LOC400499: variants seen among roughly 807,000 people sequenced by gnomAD.
chr16:11,384,122 G>T, the LOC400499 span: 1 of 1,220,474 alleles, frequency 8.2e-7, no homozygotes, highest in Non-Finnish European at 1.0e-6. Context: ...GTCCTCTGCA[G>T]AGCCATCAGG....
chr16:11,386,943 G>T, the LOC400499 span, among the ~76,000 whole-genome samples: 2 of 152,214 alleles, frequency 1.3e-5, no homozygotes, highest in Non-Finnish European at 2.9e-5. Context: ...CTTATATTCT[G>T]GACAAAAGCA....
chr16:11,385,614 T>C, the LOC400499 span, among the ~76,000 whole-genome samples: 1 of 152,174 alleles, frequency 6.6e-6, no homozygotes, highest in South Asian at 2.1e-4. Context: ...GAGCTGAAGG[T>C]CTACTGGCAA....
the LOC400499 span, among the ~76,000 whole-genome samples, chr16:11,523,778 G>C: frequency 6.6e-6 from 1 of 151,826 alleles, no homozygotes; most frequent in Non-Finnish European, 1.5e-5. Flanking sequence ...ATGTCAGCAA[G>C]CTCTGCCAAT....
the LOC400499 span, among the ~76,000 whole-genome samples, chr16:11,525,176 C>T: frequency 2.0e-5 from 3 of 151,374 alleles, no homozygotes; most frequent in Non-Finnish European, 2.9e-5. Context: ...CCCAGCTACT[C>T]GTGGGAGGTG....
chr16:11,487,235 G>C, the LOC400499 span: 2 of 398,698 alleles, frequency 5.0e-6, no homozygotes. Flanking sequence ...AGGCCCTGCA[G>C]AGGCTATAGC....
At chr16:11,373,079 G>GCT in the LOC400499 span, among the ~76,000 whole-genome samples, 1 of 152,236 alleles carries the variant, frequency 6.6e-6, no homozygotes, top group South Asian at 2.1e-4. Context: ...TCCTAGCCAA[G>GCT]GGGAGGGCGG....
the LOC400499 span, among the ~76,000 whole-genome samples, chr16:11,384,682 C>G: frequency 2.6e-5 from 4 of 152,190 alleles, no homozygotes; most frequent in South Asian, 2.1e-4. Flanking sequence ...GACAGAAAGC[C>G]CTGGGCCTCT....
the LOC400499 span, among the ~76,000 whole-genome samples, chr16:11,388,542 G>A: frequency 2.0e-5 from 3 of 152,124 alleles, no homozygotes; most frequent in African/African-American, 7.2e-5. Context: ...GGTGGGCCTC[G>A]TGCCTGTGAG....
chr16:11,429,404 G>A, the LOC400499 span, among the ~76,000 whole-genome samples: 1 of 152,174 alleles, frequency 6.6e-6, no homozygotes, highest in African/African-American at 2.4e-5. Context: ...TGAAAGCATT[G>A]CAAGGACAGA....
chr16:11,523,995 C>T, the LOC400499 span, among the ~76,000 whole-genome samples: 2 of 118,504 alleles, frequency 1.7e-5, no homozygotes, highest in Admixed American at 1.7e-4. Context: ...TCTGCCCACT[C>T]CCCACACCCC....
the LOC400499 span, among the ~76,000 whole-genome samples, chr16:11,426,930 GGAA>G: frequency 0.2 from 28,240 of 143,812 alleles, 4,821 homozygotes; most frequent in African/African-American, 0.46. Flanking sequence ...AAATCAAAAT[GGAA>G]GAAAATATCC....
the LOC400499 span, among the ~76,000 whole-genome samples, chr16:11,404,290 G>A: frequency 6.6e-6 from 1 of 152,214 alleles, no homozygotes; most frequent in South Asian, 2.1e-4. Context: ...GTGACACCTG[G>A]GCCATCTTGC....
the LOC400499 span, chr16:11,399,357 C>T: frequency 1.1e-6 from 1 of 885,438 alleles, no homozygotes; most frequent in East Asian, 3.3e-5. Flanking sequence ...AGTAAGTTGC[C>T]CAGGATCCCG....
chr16:11,384,789 T>C, the LOC400499 span: 1 of 1,073,508 alleles, frequency 9.3e-7, no homozygotes, highest in Non-Finnish European at 1.2e-6. Context: ...GCAGAGGCTC[T>C]GCATGCACGG....
At chr16:11,444,506 T>C in the LOC400499 span, among the ~76,000 whole-genome samples, 1 of 152,172 alleles carries the variant, frequency 6.6e-6, no homozygotes, top group African/African-American at 2.4e-5. Flanking sequence ...GCCCGTTCAT[T>C]ACGTATTATT....
chr16:11,457,064 A>G, the LOC400499 span: 1 of 1,497,214 alleles, frequency 6.7e-7, no homozygotes, highest in Non-Finnish European at 8.9e-7. Flanking sequence ...CCCCCCCAAG[A>G]TGCCAATGGG....
At chr16:11,493,482 C>G in the LOC400499 span, among the ~76,000 whole-genome samples, 3 of 152,142 alleles carry the variant, frequency 2.0e-5, no homozygotes, top group East Asian at 1.9e-4. Context: ...ACACTACACA[C>G]AGGCTTAGAC....
chr16:11,471,585 G>A, the LOC400499 span: 4 of 399,008 alleles, frequency 1.0e-5, no homozygotes, highest in East Asian at 1.4e-4. Flanking sequence ...CCTTTAGGGT[G>A]AGCCCAGGGC....
chr16:11,391,621 C>T, the LOC400499 span: 4 of 1,229,804 alleles, frequency 3.3e-6, no homozygotes, highest in South Asian at 4.1e-5. Flanking sequence ...AGAGGGGGGA[C>T]ATTGATTTCC....
Sources: gnomAD v4.1 joint callset for allele counts (sites outside exome capture counted in the v4.1 genomes callset) on GRCh38, gnomAD v4.1.1 for gene constraint, MANE v1.5 for transcripts.